The following KTN1 variants were observed in gnomAD, a reference collection of about 807,000 sequenced individuals.
KTN1 encodes the protein kinectin.
KTN1 carries 130 observed loss-of-function variants against 222.5 expected under a neutral mutation model. The observed-to-expected ratio is 0.58, with a 90% CI of 0.51 to 0.68. KTN1 has a LOEUF of 0.68. Ranked by LOEUF, KTN1 falls within the 30% of genes least tolerant of loss-of-function variation. The pLI, the probability that KTN1 is intolerant of heterozygous loss-of-function variation, is 0.00. For synonymous variants in KTN1, 512 were observed against 496.3 expected, an observed-to-expected ratio of 1.03 and a Z score of -0.42; for missense variants, 1,508 against 1,500.4, an observed-to-expected ratio of 1.01 and a Z score of -0.08.
At chr14:55,597,084 A>G (rs2035174402) in intron 1 of KTN1, among the ~76,000 whole-genome samples, 1 of 152,158 alleles carries the variant, frequency 6.6e-6, no homozygotes, top group Non-Finnish European at 1.5e-5. Context: ...TCCAAAGGGA[A>G]GAACTCACAA....
intron 35 of KTN1, 106 bp downstream of exon 35, chr14:55,670,915 T>C (rs1270727271): frequency 1.5e-6 from 1 of 677,954 alleles, no homozygotes. Flanking sequence ...CGAATAAGGC[T>C]CTTTTGAGAA....
At chr14:55,665,329 A>G (rs1418633901) in intron 33 of KTN1, among the ~76,000 whole-genome samples, 1 of 151,970 alleles carries the variant, frequency 6.6e-6, no homozygotes, top group Non-Finnish European at 1.5e-5. Flanking sequence ...TGTGGGTGCT[A>G]ATCACACCAT....
intron 18 of KTN1, chr14:55,644,396 A>G (rs1344671024): frequency 1.6e-5 from 11 of 702,386 alleles, no homozygotes; most frequent in Middle Eastern, 2.3e-4. Context: ...AATGGTGCCA[A>G]GTTGTTGTTT....
At chr14:55,674,463 A>C (rs150413526) in intron 40 of KTN1, 3 of 152,076 alleles carry the variant, frequency 2.0e-5, no homozygotes, top group African/African-American at 7.2e-5. Flanking sequence ...ACAGAGCCCT[A>C]CACCTCTAAT....
chr14:55,631,346 A>ATATATATATG (rs2040501887), intron 7 of KTN1, among the ~76,000 whole-genome samples: 1 of 135,774 alleles, frequency 7.4e-6, no homozygotes, highest in Admixed American at 7.1e-5. Context: ...AGGTTGATAT[A>ATATATATATG]TATATATATA....
intron 5 of KTN1, among the ~76,000 whole-genome samples, chr14:55,627,620 G>T (rs987971738): frequency 6.6e-6 from 1 of 151,822 alleles, no homozygotes; most frequent in Admixed American, 6.6e-5. Flanking sequence ...CCCACGCCCC[G>T]ACAGGCATGT....
At chr14:55,649,190 G>T (rs916301137) in intron 21 of KTN1, among the ~76,000 whole-genome samples, 1 of 152,202 alleles carries the variant, frequency 6.6e-6, no homozygotes, top group Non-Finnish European at 1.5e-5. Context: ...GCTTCCTAAA[G>T]TGTTGGAATT....
Position 55,651,881 on chromosome 14 carries a change from G to A in KTN1, c.2566-9G>A. The A allele has an allele frequency of 6.5e-7, 1 of 1,541,016 alleles. No homozygotes were observed. Among genetic ancestry groups the A allele is most frequent in the Non-Finnish European group, 8.9e-7 (1 of 1,120,504 alleles). On this transcript the variant is annotated splice_polypyrimidine_tract_variant and intron_variant, in intron 24 of 43. Transcript: ENST00000395314. ...TTATTAATTGATTTTTCTGTCCTTT[G>A]TATTTCAGTTATCTATCACTTCCAA...
At chr14:55,614,426 A>G (rs1287493468) in intron 2 of KTN1, among the ~76,000 whole-genome samples, 1 of 152,190 alleles carries the variant, frequency 6.6e-6, no homozygotes, top group African/African-American at 2.4e-5. Context: ...ACCTCACTAT[A>G]TAGAGGTGTG....
In KTN1 at chr14:55,637,296, C is replaced by T; in HGVS notation, c.1648C>T (p.Leu550=). 6.2e-7 allele frequency: 1 copy of T among 1,610,754 alleles called. No individual in the cohort carries two copies. The highest frequency in any genetic ancestry group is 1.1e-5 in the South Asian group (1 of 90,810). ...ATCAAAACAACAGTTGGAGCAAAGA[C>T]TAATGCAGTTAATGGAATCAGAGCA... ...LVSKQQLEQR[L]MQLMESEQKR... Residue 550 remains leucine, a synonymous_variant, in exon 11 of 44, where the codon CTA becomes TTA. Coordinates refer to ENST00000395314, the MANE Select transcript of KTN1 (RefSeq NM_001079521.2).
chr14:55,583,528 A>G (rs2032225406), intron 1 of KTN1, among the ~76,000 whole-genome samples: 1 of 152,202 alleles, frequency 6.6e-6, no homozygotes, highest in African/African-American at 2.4e-5. Flanking sequence ...TGTACACTAA[A>G]TGTAATTTGT....
intron 32 of KTN1, chr14:55,662,833 A>T (rs2044294489): frequency 2.2e-6 from 1 of 455,578 alleles, no homozygotes; most frequent in African/African-American, 2.0e-5. Context: ...CTTAGCCACA[A>T]AACTTGAGGT....
At chr14:55,638,465 T>C (rs1242478330) in intron 12 of KTN1, among the ~76,000 whole-genome samples, 1 of 151,956 alleles carries the variant, frequency 6.6e-6, no homozygotes, top group African/African-American at 2.4e-5. Flanking sequence ...GCAAAAAGTA[T>C]TGGCTTAGAA....
intron 33 of KTN1, 135 bp from the exon 34 acceptor site, chr14:55,667,106 T>C: frequency 3.5e-6 from 2 of 572,620 alleles, no homozygotes; most frequent in Non-Finnish European, 6.0e-6. Context: ...GAAATTTTAA[T>C]ATTTGTTAGT....
At chr14:55,678,544 T>G in intron 42 of KTN1, 100 bp downstream of exon 42, 2 of 732,060 alleles carry the variant, frequency 2.7e-6, no homozygotes, top group Non-Finnish European at 4.9e-6. Flanking sequence ...TCATCTTTCT[T>G]GAAAATATCC....
chr14:55,644,269 A>C (rs2042075525), intron 18 of KTN1: 2 of 564,124 alleles, frequency 3.5e-6, no homozygotes, highest in Admixed American at 4.9e-5. Flanking sequence ...CCACAGTCAG[A>C]ATTCCAAGTG....
intron 1 of KTN1, among the ~76,000 whole-genome samples, chr14:55,609,224 C>G (rs184265238): frequency 4.6e-5 from 7 of 152,242 alleles, no homozygotes; most frequent in African/African-American, 1.7e-4. Flanking sequence ...GTGTTCCACT[C>G]CGACTTATGA....
intron 28 of KTN1, among the ~76,000 whole-genome samples, chr14:55,654,843 G>A (rs540677174): frequency 5.3e-5 from 8 of 152,076 alleles, no homozygotes; most frequent in Non-Finnish European, 8.8e-5. Context: ...TGTTCTACCT[G>A]TGTATCCCTC....
At chr14:55,670,560 C>T (rs1263382085) in intron 34 of KTN1, among the ~76,000 whole-genome samples, 169 bp from the exon 35 acceptor site, 1 of 151,920 alleles carries the variant, frequency 6.6e-6, no homozygotes. Context: ...GGGTTATGTC[C>T]AACTTATGCA....
Sources: gnomAD v4.1 joint callset for allele counts (sites outside exome capture counted in the v4.1 genomes callset) on GRCh38, gnomAD v4.1.1 for gene constraint, MANE v1.5 for transcripts, NCBI Gene and HGNC (gene_info 2026-07-23, HGNC 2026-07-21) for gene names.